Variants in SRRM4 observed in about 807,000 individuals in gnomAD.
The protein encoded by SRRM4 is serine/arginine repetitive matrix protein 4.
In SRRM4, 33 loss-of-function variants were observed where a neutral mutation model predicts 68.9. The ratio of observed to expected loss-of-function variants is 0.48; its 90% CI spans 0.36 to 0.64. The LOEUF (loss-of-function observed/expected upper bound fraction) is 0.64, where lower values mean the gene tolerates loss of function less well. SRRM4 is among the 30% of genes least tolerant of loss of function. The pLI is 0.00. For missense variants in SRRM4, 817 were observed against 827.1 expected (o/e 0.99, Z 0.15); for synonymous variants, 318 against 318.8 (o/e 1.00, Z 0.03).
intron 8 of SRRM4, among the ~76,000 whole-genome samples, chr12:119,143,754 T>C (rs957838739): frequency 1.3e-5 from 2 of 152,176 alleles, no homozygotes; most frequent in Non-Finnish European, 2.9e-5. Flanking sequence ...GGATGAGGTC[T>C]ACAGAGACCT....
chr12:119,078,297 A>T (rs1280185337), intron 1 of SRRM4, among the ~76,000 whole-genome samples: 2 of 152,188 alleles, frequency 1.3e-5, no homozygotes, highest in Admixed American at 1.3e-4. Context: ...ATAACTTATC[A>T]TGGGGCAGAG....
chr12:119,149,043 A>G (rs1954421657), intron 9 of SRRM4, among the ~76,000 whole-genome samples: 1 of 152,146 alleles, frequency 6.6e-6, no homozygotes, highest in Non-Finnish European at 1.5e-5. Flanking sequence ...TTCTCTGTAA[A>G]TCTGGGGGTA....
At chr12:119,103,795 G>C (rs1954090887) in intron 2 of SRRM4, among the ~76,000 whole-genome samples, 1 of 152,160 alleles carries the variant, frequency 6.6e-6, no homozygotes, top group Non-Finnish European at 1.5e-5. Flanking sequence ...TTGAGGTCAG[G>C]AGTTGGAGAC....
intron 8 of SRRM4, among the ~76,000 whole-genome samples, chr12:119,143,639 A>G (rs945690443): frequency 9.2e-5 from 14 of 152,154 alleles, no homozygotes; most frequent in Admixed American, 2.6e-4. Context: ...ACACATGCAT[A>G]TAGACCCCTC....
chr12:119,126,014 CTTTTTTTTTTTTTT>C (rs34680171), intron 7 of SRRM4, among the ~76,000 whole-genome samples: 3 of 71,162 alleles, frequency 4.2e-5, no homozygotes, highest in Admixed American at 4.2e-4. Context: ...ATACTAGCTG[CTTTTTTTTTTTTTT>C]TTTTTTTTTT....
chr12:119,050,915 T>C (rs538531438), intron 1 of SRRM4, among the ~76,000 whole-genome samples: 31 of 152,304 alleles, frequency 2.0e-4, no homozygotes, highest in Non-Finnish European at 3.5e-4. Context: ...CCTAGCCACA[T>C]CCCAAGTGCT....
At chr12:119,085,147 C>A (rs1459407060) in intron 1 of SRRM4, among the ~76,000 whole-genome samples, 2 of 152,220 alleles carry the variant, frequency 1.3e-5, no homozygotes, top group Admixed American at 1.3e-4. Flanking sequence ...GTGGATCCAC[C>A]TGCCTTGGCC....
intron 1 of SRRM4, among the ~76,000 whole-genome samples, chr12:119,087,653 C>A (rs944155455): frequency 1.3e-5 from 2 of 152,106 alleles, no homozygotes; most frequent in African/African-American, 2.4e-5. Context: ...GTGCAGACAG[C>A]AGCCTGGGAA....
intron 1 of SRRM4, among the ~76,000 whole-genome samples, chr12:118,996,276 T>G (rs1313504628): frequency 6.6e-6 from 1 of 152,238 alleles, no homozygotes; most frequent in African/African-American, 2.4e-5. Flanking sequence ...ATCTTGGGTT[T>G]GTTTTTCTTC....
At chr12:119,035,249 A>C (rs2136008310) in intron 1 of SRRM4, among the ~76,000 whole-genome samples, 1 of 152,312 alleles carries the variant, frequency 6.6e-6, no homozygotes, top group South Asian at 2.1e-4. Flanking sequence ...TTTATTGTAG[A>C]GAAGAAATTT....
chr12:118,997,516 A>G (rs1425013574), intron 1 of SRRM4, among the ~76,000 whole-genome samples: 33 of 152,168 alleles, frequency 2.2e-4, no homozygotes, highest in Admixed American at 2.2e-3. Context: ...TTCTGGAGAA[A>G]TCTTTCTTCC....
chr12:119,004,114 C>A (rs1379538412), intron 1 of SRRM4, among the ~76,000 whole-genome samples: 1 of 151,980 alleles, frequency 6.6e-6, no homozygotes, highest in Non-Finnish European at 1.5e-5. Flanking sequence ...CACCTTGGTA[C>A]CAAACTCTTT....
At chr12:119,053,597 A>T (rs960618407) in intron 1 of SRRM4, among the ~76,000 whole-genome samples, 6 of 152,222 alleles carry the variant, frequency 3.9e-5, no homozygotes, top group Admixed American at 6.5e-5. Context: ...ATGTGAAATA[A>T]TTATATAAAG....
At chr12:119,038,795 G>A (rs1272242777) in intron 1 of SRRM4, among the ~76,000 whole-genome samples, 3 of 152,184 alleles carry the variant, frequency 2.0e-5, no homozygotes, top group Non-Finnish European at 2.9e-5. Context: ...CTGCTGCCCA[G>A]TTAGATCCGA....
chr12:118,985,825 G>A (rs986517816), intron 1 of SRRM4, among the ~76,000 whole-genome samples: 4 of 152,092 alleles, frequency 2.6e-5, no homozygotes, highest in African/African-American at 7.2e-5. Flanking sequence ...TCACCATATC[G>A]ACCAATAGTA....
intron 1 of SRRM4, among the ~76,000 whole-genome samples, chr12:118,998,912 C>T (rs1390706061): frequency 1.3e-5 from 2 of 152,186 alleles, no homozygotes; most frequent in Non-Finnish European, 2.9e-5. Flanking sequence ...TGAACAGGCA[C>T]TGCTCAAGAC....
At chr12:119,108,094 G>A (rs1460684036) in intron 2 of SRRM4, among the ~76,000 whole-genome samples, 1 of 152,186 alleles carries the variant, frequency 6.6e-6, no homozygotes, top group Non-Finnish European at 1.5e-5. Context: ...TTCAGGAGCA[G>A]GTTGTTCAGT....
intron 10 of SRRM4, 54 bp from the exon 11 acceptor site, chr12:119,153,485 A>T: frequency 8.0e-7 from 1 of 1,245,130 alleles, no homozygotes; most frequent in Non-Finnish European, 1.2e-6. Context: ...GCCGTCTTGG[A>T]TAACCCAGGC....
At chr12:118,982,281 G>A (rs1249874492) in intron 1 of SRRM4, among the ~76,000 whole-genome samples, 2 of 152,154 alleles carry the variant, frequency 1.3e-5, no homozygotes, top group Non-Finnish European at 2.9e-5. Flanking sequence ...AGGGTGGGCG[G>A]TGCAGATGGG....
Sources: allele counts gnomAD v4.1 joint callset (sites outside exome capture counted in the v4.1 genomes callset), GRCh38; gene constraint gnomAD v4.1.1; transcripts MANE v1.5; gene names NCBI Gene and HGNC (gene_info 2026-07-23, HGNC 2026-07-21).